STAB2: variants seen among roughly 807,000 people sequenced by gnomAD.
STAB2 encodes the protein stabilin-2.
In STAB2, 288 loss-of-function variants were observed where a neutral mutation model predicts 338.1. The observed-to-expected ratio is 0.85, with a 90% CI of 0.77 to 0.94. The LOEUF is 0.94. Among genes scored for constraint, STAB2 ranks in the 40% least tolerant of loss-of-function variants. The probability of loss-of-function intolerance (pLI) is 0.00; values close to 1 mark genes in which losing one functional copy is unlikely to be tolerated. For missense variants in STAB2, 3,141 were observed against 3,210.1 expected, an observed-to-expected ratio of 0.98 and a Z score of 0.52; for synonymous variants, 1,202 against 1,193.3, an observed-to-expected ratio of 1.01 and a Z score of -0.15.
At chr12:103,622,019 C>CAA in intron 4 of STAB2, 23 bp from the exon 5 acceptor site, 2 of 1,613,876 alleles carry the variant, frequency 1.2e-6, no homozygotes, top group Non-Finnish European at 1.7e-6. Context: ...GGTCTAATGT[C>CAA]AACCACCTGG....
chr12:103,652,914 G>A (rs1018237495), intron 12 of STAB2, among the ~76,000 whole-genome samples: 3 of 152,188 alleles, frequency 2.0e-5, no homozygotes, highest in Non-Finnish European at 4.4e-5. Flanking sequence ...ATGCAAATGG[G>A]GTTACAAAGT....
At chr12:103,606,469 T>G (rs1018233105) in intron 3 of STAB2, among the ~76,000 whole-genome samples, 2 of 152,166 alleles carry the variant, frequency 1.3e-5, no homozygotes, top group East Asian at 3.8e-4. Context: ...GGATACAGAT[T>G]TGTATCTGGT....
chr12:103,718,694 T>TA (rs2035372762), intron 44 of STAB2, among the ~76,000 whole-genome samples: 1 of 152,202 alleles, frequency 6.6e-6, no homozygotes, highest in Non-Finnish European at 1.5e-5. Context: ...TGTCCAGACA[T>TA]AGAGAGTTTT....
intron 10 of STAB2, among the ~76,000 whole-genome samples, chr12:103,649,539 G>A (rs1055085067): frequency 3.9e-5 from 6 of 152,142 alleles, no homozygotes; most frequent in Non-Finnish European, 7.4e-5. Flanking sequence ...CCAATCAACA[G>A]AAACTTTAAA....
At chr12:103,590,640 A>G (rs1956781384) in intron 1 of STAB2, among the ~76,000 whole-genome samples, 1 of 152,224 alleles carries the variant, frequency 6.6e-6, no homozygotes, top group African/African-American at 2.4e-5. Flanking sequence ...ACTCTATCTC[A>G]GGTATGGCAA....
intron 33 of STAB2, among the ~76,000 whole-genome samples, chr12:103,696,761 G>A (rs113285229): frequency 0.013 from 1,938 of 152,240 alleles, 45 homozygotes; most frequent in African/African-American, 0.042. Context: ...GGCCAGGGAC[G>A]GGGGGAGGAG....
intron 24 of STAB2, among the ~76,000 whole-genome samples, chr12:103,676,689 C>T (rs1366668251): frequency 6.6e-6 from 1 of 152,160 alleles, no homozygotes; most frequent in African/African-American, 2.4e-5. Context: ...CACTAATTCC[C>T]TTCAATGATC....
chr12:103,740,104 A>G (rs1482776533), intron 54 of STAB2, among the ~76,000 whole-genome samples: 1 of 152,202 alleles, frequency 6.6e-6, no homozygotes, highest in Admixed American at 6.5e-5. Context: ...AGCTATTAGG[A>G]AAAGTAAATT....
chr12:103,588,878 C>T (rs537614569), intron 1 of STAB2, among the ~76,000 whole-genome samples: 3 of 152,092 alleles, frequency 2.0e-5, no homozygotes, highest in East Asian at 1.9e-4. Context: ...CAATAAAGAA[C>T]CTTCTAGTGC....
intron 1 of STAB2, among the ~76,000 whole-genome samples, chr12:103,588,210 G>C (rs7312001): frequency 0.036 from 5,420 of 152,240 alleles, 319 homozygotes; most frequent in African/African-American, 0.12. Flanking sequence ...CCTGTGCCAG[G>C]CAAATTTTTA....
intron 34 of STAB2, among the ~76,000 whole-genome samples, chr12:103,701,886 A>G (rs73189887): frequency 0.044 from 6,625 of 152,028 alleles, 183 homozygotes; most frequent in African/African-American, 0.071. Flanking sequence ...TTGCTGTAAC[A>G]TGGATTTCTG....
chr12:103,618,063 G>T (rs1446541481), intron 3 of STAB2, among the ~76,000 whole-genome samples: 1 of 152,154 alleles, frequency 6.6e-6, no homozygotes, highest in Non-Finnish European at 1.5e-5. Context: ...AGCCCCCAGG[G>T]TCTCTTTCAG....
At chr12:103,685,940 A>T (rs1476738570) in intron 27 of STAB2, among the ~76,000 whole-genome samples, 3 of 151,898 alleles carry the variant, frequency 2.0e-5, no homozygotes, top group Admixed American at 6.6e-5. Flanking sequence ...GGTCTCTGGT[A>T]GCCACGAATC....
At chr12:103,613,783 C>T (rs1957167201) in intron 3 of STAB2, among the ~76,000 whole-genome samples, 1 of 152,164 alleles carries the variant, frequency 6.6e-6, no homozygotes. Context: ...GTCGCTCATG[C>T]TGAGAGCTGT....
At chr12:103,701,677 A>T (rs1396971081) in intron 34 of STAB2, among the ~76,000 whole-genome samples, 6 of 152,194 alleles carry the variant, frequency 3.9e-5, no homozygotes. Flanking sequence ...GAATTCTGGA[A>T]ATTTATTACA....
chr12:103,721,257 T>A (rs767614335), intron 44 of STAB2, among the ~76,000 whole-genome samples: 1 of 152,122 alleles, frequency 6.6e-6, no homozygotes, highest in Non-Finnish European at 1.5e-5. Flanking sequence ...TCTGCCGAGG[T>A]GACTCATTCC....
At position 103,748,973 on chromosome 12, in the gene STAB2, C is replaced by G; in HGVS notation, c.6255C>G (p.Phe2085Leu). ...GDGITCTVVD[F>L]CKQDNGGCAK... ...CCTCTGCTCTTGCAGTTGTGGATTTCTGCAAACAGGACAACGGGGGCTGTG... is the reference window on the plus strand; with the variant it reads ...CCTCTGCTCTTGCAGTTGTGGATTTGTGCAAACAGGACAACGGGGGCTGTG... Residue 2085 changes from phenylalanine (F) to leucine (L), a missense_variant, in exon 59 of 69, where the codon TTC becomes TTG. Transcript: ENST00000388887. 1 of 1,613,018 alleles carries G rather than the reference C, an allele frequency of 6.2e-7. No individual in the cohort carries two copies. Among genetic ancestry groups the G allele is most frequent in the Non-Finnish European group, 8.5e-7 (1 of 1,179,384 alleles).
chr12:103,761,843 A>G (rs186255146), intron 66 of STAB2, among the ~76,000 whole-genome samples: 1 of 152,290 alleles, frequency 6.6e-6, no homozygotes, highest in Non-Finnish European at 1.5e-5. Flanking sequence ...CCCCTGACAC[A>G]CAGTACATGC....
chr12:103,592,191 G>A (rs968038242), intron 2 of STAB2: 3 of 152,032 alleles, frequency 2.0e-5, no homozygotes, highest in African/African-American at 4.8e-5. Context: ...CGTATGATAC[G>A]TGATTAATGT....
Sources: gnomAD v4.1 joint callset for allele counts (sites outside exome capture counted in the v4.1 genomes callset) on GRCh38, gnomAD v4.1.1 for gene constraint, MANE v1.5 for transcripts, NCBI Gene and HGNC (gene_info 2026-07-23, HGNC 2026-07-21) for gene names.